The following WDR17 variants were observed in gnomAD, a reference collection of about 807,000 sequenced individuals.
WDR17 encodes WD repeat domain 17.
WDR17 carries 143 observed loss-of-function variants against 161.7 expected under a neutral mutation model. The observed-to-expected ratio is 0.88, with a 90% CI of 0.77 to 1.02. WDR17 has a LOEUF of 1.02. WDR17 is among the 50% of genes least tolerant of loss of function. The probability of loss-of-function intolerance (pLI) is 0.00; values close to 1 mark genes in which losing one functional copy is unlikely to be tolerated. For missense variants in WDR17, 1,469 were observed against 1,520.9 expected (o/e 0.97, Z 0.57); for synonymous variants, 517 against 515.6 (o/e 1.00, Z -0.04).
Position 176,111,686 on chromosome 4 carries a change from G to T in WDR17, c.106G>T (p.Ala36Ser), listed in dbSNP as rs370030303. The stretch of plus-strand genomic sequence containing the variant: ...CAGGTTTGCATATTGTGCGACCCTG[G>T]CTATCTATATTTATCAGGTAAAATA... ...GDRFAYCATL[A>S]IYIYQLDHRY... The change falls in exon 2 of 29, where the codon GCT becomes TCT. Residue 36 changes from alanine (A) to serine (S), a missense_variant. By Grantham distance (99) the Ala-to-Ser change is moderately conservative. Transcript: ENST00000508596. 1 of 1,593,432 alleles carries T rather than the reference G, an allele frequency of 6.3e-7. No individual in the cohort carries two copies. Among genetic ancestry groups the T allele is most frequent in the Non-Finnish European group, 8.6e-7 (1 of 1,168,062 alleles).
rs1482181767 is a variant in WDR17 at position 176,155,724 on chromosome 4, T to C, written c.2461-355T>C. Among the ~76,000 whole-genome samples the C allele has an allele frequency of 1.3e-4, 19 of 145,526 alleles. 2 individuals are homozygous for C. On this transcript the variant is annotated intron_variant, in intron 17 of 28. Transcript: ENST00000508596. ...CACATCTGACTAATTAAAATATATA[T>C]ATATATATATATGTTTTGGTAGACA...
chr4:176,150,247 C>T, intron 15 of WDR17, 74 bp downstream of exon 15: 1 of 1,567,860 alleles, frequency 6.4e-7, no homozygotes, highest in African/African-American at 1.3e-5. Flanking sequence ...TTTTTATTCA[C>T]ATATTTACAT....
intron 8 of WDR17, 156 bp downstream of exon 8, chr4:176,135,432 G>A: frequency 2.3e-6 from 2 of 862,960 alleles, no homozygotes; most frequent in East Asian, 2.7e-5. Context: ...TTTTTGCGAG[G>A]TTTAAGAAGA....
intron 1 of WDR17, among the ~76,000 whole-genome samples, chr4:176,077,922 A>G (rs1199898214): frequency 6.6e-6 from 1 of 152,050 alleles, no homozygotes; most frequent in Non-Finnish European, 1.5e-5. Context: ...AGTGCCCATA[A>G]AAGTCCTAAA....
intron 5 of WDR17, among the ~76,000 whole-genome samples, chr4:176,127,290 TG>T (rs1742600826): frequency 6.7e-6 from 1 of 149,496 alleles, no homozygotes; most frequent in African/African-American, 2.5e-5. Flanking sequence ...ATAATAGGCA[TG>T]GAATTTTTTT....
intron 22 of WDR17, among the ~76,000 whole-genome samples, chr4:176,164,555 A>C (rs145734119): frequency 6.6e-6 from 1 of 152,310 alleles, no homozygotes; most frequent in Non-Finnish European, 1.5e-5. Flanking sequence ...TATTATGTAT[A>C]TGCAAATATT....
chr4:176,091,411 A>T (rs1174084871), intron 1 of WDR17, among the ~76,000 whole-genome samples: 1 of 152,208 alleles, frequency 6.6e-6, no homozygotes, highest in African/African-American at 2.4e-5. Context: ...GGGTTAATGG[A>T]TAAATTAAAG....
Position 176,066,048 on chromosome 4 carries a change from C to T in WDR17, c.-38C>T, listed in dbSNP as rs1732479152. The T allele has an allele frequency of 6.6e-6, 1 of 152,414 alleles. No individual in the cohort carries two copies. The highest frequency in any genetic ancestry group is 2.4e-5 in the African/African-American group (1 of 41,444). The allele number at this position is 152,414 out of a possible 1,614,324, so 9.4% of individuals were successfully genotyped here. On this transcript the variant is annotated 5_prime_UTR_variant, in exon 1 of 29. Transcript: ENST00000508596. ...CGCCCGCCGGCTTCAGCACCTTCCG[C>T]TGTCCGCCGCTGCAGCCGCCTCCTC... is the stretch of plus-strand genomic sequence containing the variant.
intron 5 of WDR17, among the ~76,000 whole-genome samples, chr4:176,126,692 CCG>C (rs1270948288): frequency 6.6e-6 from 1 of 152,106 alleles, no homozygotes; most frequent in African/African-American, 2.4e-5. Flanking sequence ...TGTGGCTTGA[CCG>C]TGTCTCCACC....
chr4:176,077,921 A>G (rs956378446), intron 1 of WDR17, among the ~76,000 whole-genome samples: 7 of 152,068 alleles, frequency 4.6e-5, no homozygotes, highest in Non-Finnish European at 8.8e-5. Flanking sequence ...TAGTGCCCAT[A>G]AAAGTCCTAA....
intron 17 of WDR17, among the ~76,000 whole-genome samples, chr4:176,152,921 A>G (rs1420140980): frequency 2.0e-5 from 3 of 151,824 alleles, no homozygotes; most frequent in South Asian, 2.1e-4. Context: ...GCGACAGAGC[A>G]AGACTCCATC....
rs186412114 is a variant in WDR17, at chr4:176,078,760, C to T, written c.-7+12681C>T. Among the ~76,000 whole-genome samples, 711 of 151,620 alleles carry T rather than the reference C, an allele frequency of 4.7e-3. 5 individuals are homozygous for T. Among genetic ancestry groups the T allele is most frequent in the African/African-American group, 0.016 (652 of 41,276 alleles). ...CATTTTTTAATTAATTTATTTTGTT[C>T]ATTAAAACATAGTTATATGTATTTA... On this transcript the variant is annotated intron_variant, in intron 1 of 28. Transcript: ENST00000508596.
chr4:176,148,086 T>C, intron 12 of WDR17, 47 bp from the exon 13 acceptor site: 1 of 1,528,124 alleles, frequency 6.5e-7, no homozygotes, highest in Non-Finnish European at 9.0e-7. Flanking sequence ...ATACTCTAGA[T>C]ACATTATAAC....
intron 7 of WDR17, among the ~76,000 whole-genome samples, chr4:176,133,252 T>C: frequency 1.3e-5 from 1 of 74,168 alleles, no homozygotes; most frequent in Non-Finnish European, 2.8e-5. Context: ...CTTGGTCTCC[T>C]CTCTCTAAAA....
chr4:176,171,455 G>A (rs558207307), intron 23 of WDR17, among the ~76,000 whole-genome samples: 1 of 152,084 alleles, frequency 6.6e-6, no homozygotes. Context: ...AATATCAAAC[G>A]TTATATATAT....
chr4:176,140,035 C>T, intron 10 of WDR17, 61 bp downstream of exon 10: 1 of 1,373,024 alleles, frequency 7.3e-7, no homozygotes, highest in South Asian at 1.3e-5. Context: ...CTCATTTGAT[C>T]ATTCCAACTG....
intron 6 of WDR17, among the ~76,000 whole-genome samples, chr4:176,131,231 T>G (rs1212315590): frequency 6.6e-6 from 1 of 152,178 alleles, no homozygotes; most frequent in East Asian, 1.9e-4. Flanking sequence ...GTCAGTATTT[T>G]GAAGGAAGTT....
intron 17 of WDR17, 146 bp from the exon 18 acceptor site, chr4:176,155,933 G>T: frequency 3.0e-6 from 2 of 663,044 alleles, no homozygotes; most frequent in East Asian, 3.5e-5. Flanking sequence ...GGAACAAAAA[G>T]AAGTCAGAAA....
At chr4:176,074,592 G>A (rs554445995) in intron 1 of WDR17, among the ~76,000 whole-genome samples, 5 of 151,784 alleles carry the variant, frequency 3.3e-5, no homozygotes, top group South Asian at 2.1e-4. Flanking sequence ...GAGTAGCTGC[G>A]ACTAGAGGTG....
Sources: allele counts gnomAD v4.1 joint callset (sites outside exome capture counted in the v4.1 genomes callset), GRCh38; gene constraint gnomAD v4.1.1; transcripts MANE v1.5; gene names NCBI Gene and HGNC (gene_info 2026-07-23, HGNC 2026-07-21).